The following TOX variants were observed in gnomAD, a reference collection of about 807,000 sequenced individuals.
The protein encoded by TOX is thymocyte selection associated high mobility group box, also known as thymocyte selection-associated high mobility group box protein TOX.
In TOX, 11 loss-of-function variants were observed where a neutral mutation model predicts 53.7. That is an observed-to-expected ratio of 0.20 (90% confidence interval 0.13 to 0.34). The LOEUF (loss-of-function observed/expected upper bound fraction) is 0.34, where lower values mean the gene tolerates loss of function less well. Among genes scored for constraint, TOX ranks in the 10% least tolerant of loss-of-function variants. The pLI is 1.00. For missense variants in TOX, 570 were observed against 664.6 expected (o/e 0.86, Z 1.56); for synonymous variants, 225 against 245.3 (o/e 0.92, Z 0.77).
chr8:58,896,650 G>T (rs1211003666), intron 3 of TOX, among the ~76,000 whole-genome samples: 1 of 151,444 alleles, frequency 6.6e-6, no homozygotes, highest in Non-Finnish European at 1.5e-5. Context: ...ACTCCAGTCT[G>T]GTGACAGAGC....
At chr8:59,093,506 T>A (rs916525766) in intron 1 of TOX, among the ~76,000 whole-genome samples, 1 of 152,224 alleles carries the variant, frequency 6.6e-6, no homozygotes, top group African/African-American at 2.4e-5. Flanking sequence ...CCAAGTCTTA[T>A]GAATGTTGTT....
intron 1 of TOX, among the ~76,000 whole-genome samples, chr8:59,063,712 C>T (rs557471730): frequency 2.4e-4 from 37 of 152,200 alleles, no homozygotes; most frequent in Non-Finnish European, 5.0e-4. Flanking sequence ...TAAGCCACTG[C>T]GCCCGGCCCG....
At chr8:58,869,152 G>T (rs528509428) in intron 3 of TOX, among the ~76,000 whole-genome samples, 1 of 150,236 alleles carries the variant, frequency 6.7e-6, no homozygotes, top group South Asian at 2.1e-4. Context: ...ACTTGAACCC[G>T]GGAGGCAGAG....
At chr8:58,809,942 G>A (rs1248733073) in intron 7 of TOX, among the ~76,000 whole-genome samples, 1 of 152,154 alleles carries the variant, frequency 6.6e-6, no homozygotes, top group Non-Finnish European at 1.5e-5. Context: ...GCTACTGTTG[G>A]AAAGGTGCAG....
chr8:58,904,509 A>C (rs1562612), intron 3 of TOX, among the ~76,000 whole-genome samples: 4 of 151,864 alleles, frequency 2.6e-5, no homozygotes, highest in East Asian at 1.9e-4. Context: ...AGCTCTGGGA[A>C]TCTCTGGAAA....
chr8:59,100,826 TAAAA>T (rs1337431626), intron 1 of TOX, among the ~76,000 whole-genome samples: 4 of 151,914 alleles, frequency 2.6e-5, no homozygotes, highest in African/African-American at 4.8e-5. Flanking sequence ...ATTAAGGCAT[TAAAA>T]AAAAGAGTTG....
chr8:58,890,167 A>C lies in TOX; in HGVS notation c.412-38362T>G, dbSNP rs550316539. ...TTGACAATACATCAATTGTTCAGTA[A>C]ATGGGAATTATGTACAAAATATGGT... On this transcript the variant is annotated intron_variant, in intron 3 of 8. Coordinates refer to ENST00000361421, the MANE Select transcript of TOX (RefSeq NM_014729.3). Among the ~76,000 whole-genome samples, 49 of 152,284 alleles carry C rather than the reference A, an allele frequency of 3.2e-4. No individual in the cohort carries two copies. In the South Asian group the frequency reaches 9.9e-3, roughly 31 times the overall value.
chr8:59,116,870 T>C (rs1007992333), intron 1 of TOX, among the ~76,000 whole-genome samples: 1 of 152,220 alleles, frequency 6.6e-6, no homozygotes, highest in African/African-American at 2.4e-5. Flanking sequence ...GTAAAGAAAT[T>C]CTGAATACTT....
At chr8:58,882,769 A>C (rs924499994) in intron 3 of TOX, among the ~76,000 whole-genome samples, 6 of 152,248 alleles carry the variant, frequency 3.9e-5, no homozygotes, top group African/African-American at 1.2e-4. Context: ...AGGCTTGACA[A>C]ATACATGAGG....
At chr8:58,890,263 T>C (rs549144492) in intron 3 of TOX, among the ~76,000 whole-genome samples, 1 of 152,188 alleles carries the variant, frequency 6.6e-6, no homozygotes, top group Non-Finnish European at 1.5e-5. Flanking sequence ...ACTTAAGACA[T>C]GCATCAACAA....
intron 3 of TOX, among the ~76,000 whole-genome samples, chr8:58,889,212 C>CAAA (rs10556451): frequency 8.7e-6 from 1 of 114,436 alleles, no homozygotes; most frequent in African/African-American, 3.2e-5. Context: ...TTTACAATAG[C>CAAA]AAAAAAAAAA....
intron 1 of TOX, among the ~76,000 whole-genome samples, chr8:59,100,415 A>G (rs542592209): frequency 6.6e-6 from 1 of 152,318 alleles, no homozygotes; most frequent in Non-Finnish European, 1.5e-5. Flanking sequence ...TGTCCCAAGG[A>G]AGCACCGCTG....
intron 1 of TOX, among the ~76,000 whole-genome samples, chr8:59,113,797 G>C (rs370970627): frequency 6.6e-6 from 1 of 152,128 alleles, no homozygotes; most frequent in South Asian, 2.1e-4. Context: ...GTAGACCTGC[G>C]ACTGAGGGCT....
chr8:59,092,289 TAC>T (rs2129423843), intron 1 of TOX, among the ~76,000 whole-genome samples: 1 of 117,206 alleles, frequency 8.5e-6, no homozygotes, highest in East Asian at 2.1e-4. Flanking sequence ...ATATTATATA[TAC>T]ATTATATATA....
chr8:58,982,659 T>TTC (rs1460157455), intron 1 of TOX, among the ~76,000 whole-genome samples: 1 of 152,206 alleles, frequency 6.6e-6, no homozygotes, highest in African/African-American at 2.4e-5. Context: ...ATCTATGGTC[T>TTC]TCTCACCTTT....
chr8:59,021,481 A>ATATATATACATAT (rs1554539852), intron 1 of TOX, among the ~76,000 whole-genome samples: 1 of 64,740 alleles, frequency 1.5e-5, no homozygotes, highest in Non-Finnish European at 3.1e-5. Context: ...AAAAAAAAAA[A>ATATATATACATAT]ATATATATAT....
chr8:59,016,477 C>T (rs1178338503), intron 1 of TOX, among the ~76,000 whole-genome samples: 1 of 152,156 alleles, frequency 6.6e-6, no homozygotes, highest in African/African-American at 2.4e-5. Context: ...AGAAACACCA[C>T]TACTGCTAAC....
intron 3 of TOX, among the ~76,000 whole-genome samples, chr8:58,924,289 C>A (rs1812119186): frequency 6.6e-6 from 1 of 152,168 alleles, no homozygotes; most frequent in Admixed American, 6.5e-5. Context: ...GAGAGATTTT[C>A]AAATTGTACA....
intron 2 of TOX, among the ~76,000 whole-genome samples, chr8:58,952,975 T>C (rs1371992874): frequency 6.6e-6 from 1 of 152,160 alleles, no homozygotes; most frequent in Non-Finnish European, 1.5e-5. Context: ...AAATAGCTCA[T>C]CCGCTGGCGA....
Sources: allele counts gnomAD v4.1 joint callset (sites outside exome capture counted in the v4.1 genomes callset), GRCh38; gene constraint gnomAD v4.1.1; transcripts MANE v1.5; gene names NCBI Gene and HGNC (gene_info 2026-07-23, HGNC 2026-07-21).